ELFN2: variants seen among roughly 807,000 people sequenced by gnomAD.
ELFN2 encodes extracellular leucine rich repeat and fibronectin type III domain containing 2.
A neutral mutation model predicts 45.5 loss-of-function variants in ELFN2; 17 were observed. The observed-to-expected ratio is 0.37, with a 90% confidence interval of 0.26 to 0.56. The LOEUF (loss-of-function observed/expected upper bound fraction) is 0.56. Ranked by LOEUF, ELFN2 falls within the 20% of genes least tolerant of loss-of-function variation. The pLI, the probability that ELFN2 is intolerant of heterozygous loss-of-function variation, is 0.77. For synonymous variants in ELFN2, 550 were observed against 551.5 expected (o/e 1.00, Z 0.04); for missense variants, 922 against 1,183.2 (o/e 0.78, Z 3.24).
chr22:37,372,778 G>T lies in ELFN2; in HGVS notation c.*294C>A. The T allele has an allele frequency of 4.0e-6, 1 of 249,504 alleles. No homozygotes were observed. Among genetic ancestry groups the T allele is most frequent in the Non-Finnish European group, 7.5e-6 (1 of 133,590 alleles). 15.5% of individuals were successfully genotyped at this position (249,504 alleles called of 1,614,324 possible). On this transcript the variant is annotated 3_prime_UTR_variant, in exon 3 of 3. Transcript: ENST00000402918. This position sits in a 1 kb window ranked among gnomAD's most constrained non-coding sequence, Gnocchi z 4.4. ...CTCCCCCCGCCAGCCCCCCGGCCCT[G>T]CACACCCCAGCAGAGTCCCTGGGCA...
rs868020674 is a variant in ELFN2 at position 37,372,857 on chromosome 22, T to G, written c.*215A>C. 25 of 570,642 alleles carry G rather than the reference T, an allele frequency of 4.4e-5. No homozygotes were observed. The Middle Eastern group carries it at 2.3e-3, about 52-fold the overall frequency. The allele number at this position is 570,642 out of a possible 1,614,324, so 35.3% of individuals were successfully genotyped here. ...CAGTTTGTAAACTTTAAGGAAAATG[T>G]GTCTCTGTTTTCCTGTCCGTTATTG... On this transcript the variant is annotated 3_prime_UTR_variant, in exon 3 of 3. Transcript: ENST00000402918. This position sits in a 1 kb window ranked among gnomAD's most constrained non-coding sequence, Gnocchi z 4.4.
chr22:37,400,543 G>C (rs1049036457), intron 2 of ELFN2, among the ~76,000 whole-genome samples: 1 of 152,184 alleles, frequency 6.6e-6, no homozygotes. Flanking sequence ...AAACCTCTTC[G>C]CTGTCACCCA....
rs1342500129 is a variant in ELFN2 at position 37,368,602 on chromosome 22, C to T, written c.*4470G>A. On this transcript the variant is annotated 3_prime_UTR_variant, in exon 3 of 3. Coordinates refer to ENST00000402918, the MANE Select transcript of ELFN2 (RefSeq NM_052906.5). ...TTAGAGGAGGTCCCCTCTCCTGGGG[C>T]TCAGCCACCTCTGGAGCAGCCACCT... 6.6e-6 allele frequency: 1 copy of T among 152,340 alleles called. No individual in the cohort carries two copies. Among genetic ancestry groups the T allele is most frequent in the African/African-American group, 2.4e-5 (1 of 41,464 alleles). 9.4% of individuals were successfully genotyped at this position (152,340 alleles called of 1,614,324 possible).
At position 37,394,713 on chromosome 22, in the gene ELFN2, G is replaced by A. The variant is rs539155829; in HGVS notation, c.-462-18717C>T. 5.9e-5 allele frequency among the ~76,000 whole-genome samples: 9 copies of A among 152,292 alleles called. No homozygotes were observed. The East Asian group carries it at 1.3e-3, about 23-fold the overall frequency. On this transcript the variant is annotated intron_variant, in intron 2 of 2. Transcript: ENST00000402918. ...GGTGACTGTCAACAGTGCCTCATAC[G>A]CTGTAAATGAAGAACTCTTCACTCC... is the stretch of plus-strand genomic sequence containing the variant.
chr22:37,377,335 C>A (rs925112329), intron 2 of ELFN2, among the ~76,000 whole-genome samples: 1 of 152,226 alleles, frequency 6.6e-6, no homozygotes, highest in African/African-American at 2.4e-5. Context: ...GTTCTCCCTC[C>A]CTCTGCCCTG....
intron 2 of ELFN2, among the ~76,000 whole-genome samples, chr22:37,391,045 CCT>C (rs1932074101): frequency 6.6e-6 from 1 of 152,194 alleles, no homozygotes; most frequent in African/African-American, 2.4e-5. Context: ...TCATTCATTC[CCT>C]CTCTCTCCAT....
At position 37,417,475 on chromosome 22, in the gene ELFN2, G is replaced by A. The variant is rs759223577; in HGVS notation, c.-463+294C>T. Among the ~76,000 whole-genome samples, 5 of 152,194 alleles carry A rather than the reference G, an allele frequency of 3.3e-5. No homozygotes were observed. Among genetic ancestry groups the A allele is most frequent in the East Asian group, 1.9e-4 (1 of 5,192 alleles). On this transcript the variant is annotated intron_variant, in intron 2 of 2. Coordinates refer to ENST00000402918, the MANE Select transcript of ELFN2 (RefSeq NM_052906.5). This position sits in a 1 kb window ranked among gnomAD's most constrained non-coding sequence, Gnocchi z 4.5. ...CTAAGCCTGCCTCAGCCTCTCTGCC[G>A]GGTGATGGGGCAGGAGCTGGGGTCC...
At chr22:37,361,874 C>A (rs918335961) in intron 1 of ELFN2, among the ~76,000 whole-genome samples, 1 of 152,200 alleles carries the variant, frequency 6.6e-6, no homozygotes, top group Non-Finnish European at 1.5e-5. Context: ...CATTCTCCGG[C>A]CCATAGGACA....
chr22:37,422,937 G>T (rs1932819713), intron 1 of ELFN2, among the ~76,000 whole-genome samples: 1 of 114,680 alleles, frequency 8.7e-6, no homozygotes, highest in Non-Finnish European at 1.8e-5. Flanking sequence ...TGAGGAAACT[G>T]GGCCTCGGGG....
At position 37,372,955 on chromosome 22, in the gene ELFN2, T is replaced by C; in HGVS notation, c.*117A>G. The C allele has an allele frequency of 1.6e-6, 2 of 1,216,746 alleles. No homozygotes were observed. The highest frequency in any genetic ancestry group is 2.2e-6 in the Non-Finnish European group (2 of 895,694). 75.4% of individuals were successfully genotyped at this position (1,216,746 alleles called of 1,614,324 possible). On this transcript the variant is annotated 3_prime_UTR_variant, in exon 3 of 3. Transcript: ENST00000402918. The surrounding 1 kb of genome is among the most constrained non-coding windows in gnomAD (Gnocchi z 4.4). ...GCGTGCGTGCGTGCGGGTCTGCATGTGCGTCCTCTCCTGGGCCTTGGCCCC... is the reference window on the plus strand; with the variant it reads ...GCGTGCGTGCGTGCGGGTCTGCATGCGCGTCCTCTCCTGGGCCTTGGCCCC...
intron 1 of ELFN2, among the ~76,000 whole-genome samples, chr22:37,351,790 G>A (rs739188): frequency 0.48 from 72,350 of 150,380 alleles, 19,578 homozygotes; most frequent in South Asian, 0.64. Context: ...GGGCTGCCGC[G>A]GGGTCACTCC....
rs1187518146 is a variant in ELFN2, at chr22:37,370,853, T to C, written c.*2219A>G. 1.3e-5 allele frequency: 2 copies of C among 152,186 alleles called. No individual in the cohort carries two copies. Among genetic ancestry groups the C allele is most frequent in the Non-Finnish European group, 2.9e-5 (2 of 67,992 alleles). 9.4% of individuals were successfully genotyped at this position (152,186 alleles called of 1,614,324 possible). On this transcript the variant is annotated 3_prime_UTR_variant, in exon 3 of 3. Transcript: ENST00000402918. ...AACTGGCACATACACGACAGATGTT[T>C]GCTCAGAAAAATACAGTAAAATCGT...
intron 2 of ELFN2, among the ~76,000 whole-genome samples, chr22:37,387,393 C>G (rs901927972): frequency 1.3e-5 from 2 of 152,106 alleles, no homozygotes; most frequent in African/African-American, 4.8e-5. Context: ...TTTCTCCCCC[C>G]TTCTCTCTCC....
intron 1 of ELFN2, among the ~76,000 whole-genome samples, chr22:37,356,220 C>T (rs1413998515): frequency 6.6e-6 from 1 of 152,152 alleles, no homozygotes; most frequent in Non-Finnish European, 1.5e-5. Context: ...CTAGAGGCTG[C>T]TGGGCGCTTA....
At chr22:37,422,829 A>T (rs1016257861) in intron 1 of ELFN2, among the ~76,000 whole-genome samples, 6 of 150,830 alleles carry the variant, frequency 4.0e-5, no homozygotes, top group Non-Finnish European at 7.4e-5. Flanking sequence ...TCCTGACCTC[A>T]GGTGATCCTT....
intron 2 of ELFN2, among the ~76,000 whole-genome samples, chr22:37,405,090 A>ATTTTT (rs745621772): frequency 4.0e-5 from 5 of 124,052 alleles, no homozygotes; most frequent in Non-Finnish European, 6.4e-5. Flanking sequence ...GAACCTCAGC[A>ATTTTT]TTTTTTTTTT....
At chr22:37,367,640 G>C (rs556655659), downstream of ELFN2, among the ~76,000 whole-genome samples, 11 of 152,368 alleles carry the variant, frequency 7.2e-5, no homozygotes, top group Non-Finnish European at 1.5e-4. Flanking sequence ...GGGAGGCCAG[G>C]GCAGCAGAAA....
chr22:37,399,547 CGGGG>C (rs1932309120), intron 2 of ELFN2, among the ~76,000 whole-genome samples: 1 of 142,602 alleles, frequency 7.0e-6, no homozygotes, highest in African/African-American at 2.7e-5. Flanking sequence ...CCACCGACCA[CGGGG>C]ACCACCGGCC....
Position 37,373,723 on chromosome 22 carries a change from A to T in ELFN2, c.1812T>A (p.Pro604=). The T allele has an allele frequency of 6.4e-7, 1 of 1,554,138 alleles. No individual in the cohort carries two copies. The highest frequency in any genetic ancestry group is 1.4e-5 in the African/African-American group (1 of 72,504). The change falls in exon 3 of 3, where the codon CCT becomes CCA. Residue 604 remains proline, a synonymous_variant. Coordinates refer to ENST00000402918, the MANE Select transcript of ELFN2 (RefSeq NM_052906.5). The part of the protein sequence containing the change: ...GALERPSFLS[P]PYKESSHHPL... ...GGTGGTGGGAGCTCTCCTTGTAGGGAGGCGAAAGGAAGCTGGGCCGCTCCA... is the reference window on the plus strand; with the variant it reads ...GGTGGTGGGAGCTCTCCTTGTAGGGTGGCGAAAGGAAGCTGGGCCGCTCCA...
Sources: gnomAD v4.1 joint callset for allele counts (sites outside exome capture counted in the v4.1 genomes callset) on GRCh38, gnomAD v4.1.1 for gene constraint, Gnocchi (gnomAD v3.1) non-coding constraint, MANE v1.5 for transcripts, NCBI Gene and HGNC (gene_info 2026-07-23, HGNC 2026-07-21) for gene names.